The following CNTN6 variants were observed in gnomAD, a reference collection of about 807,000 sequenced individuals.
CNTN6 encodes contactin-6.
Under a neutral mutation model 122.8 loss-of-function variants are expected in CNTN6, and 137 were observed. The observed-to-expected ratio is 1.12, with a 90% CI of 0.97 to 1.29. The LOEUF (loss-of-function observed/expected upper bound fraction) is 1.29. Ranked by LOEUF, CNTN6 falls within the 50% of genes most tolerant of loss-of-function variation. The pLI is 0.00. For synonymous variants in CNTN6, 570 were observed against 426.0 expected, an observed-to-expected ratio of 1.34 and a Z score of -4.16; for missense variants, 1,634 against 1,223.4, an observed-to-expected ratio of 1.34 and a Z score of -5.01.
chr3:1,259,045 C>G (rs1010729494), intron 4 of CNTN6, among the ~76,000 whole-genome samples: 5 of 152,130 alleles, frequency 3.3e-5, no homozygotes, highest in Non-Finnish European at 5.9e-5. Context: ...ACAAAACAGA[C>G]AGTGAGTAGG....
chr3:1,330,634 A>G (rs1299197240), intron 11 of CNTN6, among the ~76,000 whole-genome samples: 7 of 151,906 alleles, frequency 4.6e-5, no homozygotes, highest in South Asian at 4.1e-4. Flanking sequence ...CAGATATGCA[A>G]TTAAATCCTA....
At chr3:1,099,394 T>G (rs530825418) in intron 1 of CNTN6, among the ~76,000 whole-genome samples, 46 of 152,166 alleles carry the variant, frequency 3.0e-4, no homozygotes, top group African/African-American at 1.0e-3. Context: ...GAGCTTGCAG[T>G]GAGCCGAGAT....
intron 8 of CNTN6, among the ~76,000 whole-genome samples, chr3:1,322,753 T>C (rs575945468): frequency 2.0e-5 from 3 of 151,626 alleles, no homozygotes; most frequent in Admixed American, 6.6e-5. Flanking sequence ...GTCTGTAATA[T>C]TATTTTCCAT....
intron 1 of CNTN6, among the ~76,000 whole-genome samples, chr3:1,102,429 GAATA>G: frequency 6.6e-6 from 1 of 152,298 alleles, no homozygotes; most frequent in Middle Eastern, 3.4e-3. Context: ...ACAGAGTTAA[GAATA>G]AATTAAGAAC....
intron 13 of CNTN6, 82 bp from the exon 14 acceptor site, chr3:1,372,756 C>G: frequency 7.4e-6 from 6 of 814,204 alleles, no homozygotes; most frequent in East Asian, 2.6e-5. Flanking sequence ...TTTTATGTTT[C>G]GTATTTATCC....
chr3:1,127,755 C>G (rs534447508), intron 1 of CNTN6, among the ~76,000 whole-genome samples: 2 of 151,796 alleles, frequency 1.3e-5, no homozygotes, highest in Non-Finnish European at 2.9e-5. Flanking sequence ...CTAAATATAG[C>G]TGGAGGGTCT....
At chr3:1,233,692 G>A (rs1385195720) in intron 4 of CNTN6, among the ~76,000 whole-genome samples, 2 of 127,438 alleles carry the variant, frequency 1.6e-5, no homozygotes, top group African/African-American at 6.1e-5. Context: ...CTGAGATCGT[G>A]CCAGTACACT....
chr3:1,219,453 T>A (rs2094175549), intron 2 of CNTN6, among the ~76,000 whole-genome samples: 1 of 152,176 alleles, frequency 6.6e-6, no homozygotes, highest in Non-Finnish European at 1.5e-5. Context: ...GAGAAGCCTT[T>A]TTTATAGTGA....
intron 1 of CNTN6, among the ~76,000 whole-genome samples, chr3:1,118,648 A>G (rs541843121): frequency 9.6e-4 from 146 of 152,244 alleles, no homozygotes; most frequent in Non-Finnish European, 1.6e-3. Flanking sequence ...TATTTCCTAA[A>G]TCGATCCAAT....
At chr3:1,297,849 A>G (rs760364056) in intron 6 of CNTN6, 40 bp from the exon 7 acceptor site, 6 of 1,503,040 alleles carry the variant, frequency 4.0e-6, no homozygotes, top group Admixed American at 1.8e-5. Flanking sequence ...GAAAACTTCT[A>G]TTCTCCAGAA....
chr3:1,309,671 G>T, intron 7 of CNTN6, among the ~76,000 whole-genome samples: 1 of 152,102 alleles, frequency 6.6e-6, no homozygotes, highest in Admixed American at 6.6e-5. Context: ...CCATGAAATA[G>T]CAATTGGGGT....
At chr3:1,253,759 G>A (rs948010383) in intron 4 of CNTN6, among the ~76,000 whole-genome samples, 14 of 152,066 alleles carry the variant, frequency 9.2e-5, no homozygotes, top group Admixed American at 6.6e-4. Context: ...GAATTCAGGC[G>A]GTAACACTCT....
At chr3:1,392,472 T>A (rs1428973671) in intron 20 of CNTN6, among the ~76,000 whole-genome samples, 3 of 151,922 alleles carry the variant, frequency 2.0e-5, no homozygotes, top group Admixed American at 1.3e-4. Context: ...AACCTAGGCA[T>A]TACCATTCAG....
rs12330687 is a variant in CNTN6, at chr3:1,102,513, C to A, written c.-83+9393C>A. ...TGGGAGGCCGAGGTGGGCGGATCACCAGGTCAGGAGATCGAGACCATCCTG... is the reference window on the plus strand; with the variant it reads ...TGGGAGGCCGAGGTGGGCGGATCACAAGGTCAGGAGATCGAGACCATCCTG... On this transcript the variant is annotated intron_variant, in intron 1 of 22. Transcript: ENST00000446702. Among the ~76,000 whole-genome samples the A allele has an allele frequency of 2.3e-3, 336 of 148,248 alleles. 2 individuals carry two copies. The highest frequency in any genetic ancestry group is 7.9e-3 in the African/African-American group (320 of 40,380).
In CNTN6 at chr3:1,304,526, A is replaced by C. The variant is rs370175962; in HGVS notation, c.761+6535A>C. The stretch of plus-strand genomic sequence containing the variant: ...GACTTACTTAATCCTCCATGTGCAG[A>C]TGTAGTATGACCCTCAATTATGTAA... On this transcript the variant is annotated intron_variant, in intron 7 of 22. Coordinates refer to ENST00000446702, the MANE Select transcript of CNTN6 (RefSeq NM_001289080.2). Among the ~76,000 whole-genome samples, 13 of 152,264 alleles carry C rather than the reference A, an allele frequency of 8.5e-5. No individual in the cohort carries two copies. The East Asian group carries it at 2.1e-3, about 25-fold the overall frequency.
chr3:1,207,506 C>T (rs1466454883), intron 2 of CNTN6, among the ~76,000 whole-genome samples: 2 of 152,042 alleles, frequency 1.3e-5, no homozygotes, highest in Non-Finnish European at 2.9e-5. Flanking sequence ...TTCTTTTGAT[C>T]TCTGTTCAGA....
chr3:1,181,762 T>C (rs964666281), intron 2 of CNTN6, among the ~76,000 whole-genome samples: 1 of 152,106 alleles, frequency 6.6e-6, no homozygotes, highest in African/African-American at 2.4e-5. Context: ...TTCATGGGTG[T>C]GGAAAATTGA....
chr3:1,137,471 G>A (rs993900274), intron 1 of CNTN6, among the ~76,000 whole-genome samples: 1 of 152,058 alleles, frequency 6.6e-6, no homozygotes, highest in Admixed American at 6.6e-5. Context: ...GGGATTTTTA[G>A]CATCCTGTTC....
chr3:1,152,124 A>G (rs1476091727), intron 2 of CNTN6, among the ~76,000 whole-genome samples: 1 of 151,556 alleles, frequency 6.6e-6, no homozygotes, highest in Non-Finnish European at 1.5e-5. Context: ...ATTTATTTAT[A>G]TATTTGTTTG....
Sources: allele counts gnomAD v4.1 joint callset (sites outside exome capture counted in the v4.1 genomes callset), GRCh38; gene constraint gnomAD v4.1.1; transcripts MANE v1.5; gene names NCBI Gene and HGNC (gene_info 2026-07-23, HGNC 2026-07-21).